ART4: variants seen among roughly 807,000 people sequenced by gnomAD.
ART4 encodes ADP-ribosyltransferase 4 (inactive) (Dombrock blood group).
ART4 carries 14 observed loss-of-function variants against 24.2 expected under a neutral mutation model. The observed-to-expected ratio is 0.58, with a 90% CI of 0.38 to 0.90. The LOEUF (loss-of-function observed/expected upper bound fraction) is 0.90, where lower values mean the gene tolerates loss of function less well. ART4 is among the 40% of genes least tolerant of loss of function. ART4 has a pLI of 0.00. For missense variants in ART4, 356 were observed against 366.6 expected, an observed-to-expected ratio of 0.97 and a Z score of 0.24; for synonymous variants, 145 against 139.9, an observed-to-expected ratio of 1.04 and a Z score of -0.26.
At chr12:14,841,490 G>C (rs1286756452) in intron 1 of ART4, among the ~76,000 whole-genome samples, 1 of 152,144 alleles carries the variant, frequency 6.6e-6, no homozygotes, top group South Asian at 2.1e-4. Flanking sequence ...TACACTTTCT[G>C]TTTCCTCTAC....
chr12:14,842,957 A>G lies in ART4; in HGVS notation c.144+13T>C. 4 of 1,606,902 alleles carry G rather than the reference A, an allele frequency of 2.5e-6. No individual in the cohort carries two copies. Among genetic ancestry groups the G allele is most frequent in the Non-Finnish European group, 3.4e-6 (4 of 1,176,708 alleles). On this transcript the variant is annotated intron_variant, in intron 1 of 2. Transcript: ENST00000228936. ...TGATCATAAAGAGATCACCCCCTCA[A>G]TTGTCCCCCTACCTCAGAACCCTCT...
chr12:14,830,645 G>GTATGTA (rs1298649597), intron 2 of ART4, among the ~76,000 whole-genome samples: 1 of 40,136 alleles, frequency 2.5e-5, no homozygotes, highest in East Asian at 8.2e-4. Flanking sequence ...TGTACTGTAT[G>GTATGTA]TATGTATATA....
chr12:14,837,546 C>T (rs1950438850), intron 2 of ART4, among the ~76,000 whole-genome samples: 1 of 152,098 alleles, frequency 6.6e-6, no homozygotes, highest in Non-Finnish European at 1.5e-5. Flanking sequence ...TGGAGTCTCA[C>T]TCTATCGCCC....
chr12:14,830,669 A>G lies in ART4; in HGVS notation c.854-1207T>C, dbSNP rs1312548080. 2.4e-4 allele frequency among the ~76,000 whole-genome samples: 24 copies of G among 99,960 alleles called. 1 individual carries two copies. Among genetic ancestry groups the G allele is most frequent in the East Asian group, 6.5e-4 (2 of 3,068 alleles). The allele number at this position is 99,960 out of a possible 152,430, so 65.6% of individuals were successfully genotyped here. ...TGTATGTATATATATATATATATAT[A>G]TATATATATATATATATATATATAT... On this transcript the variant is annotated intron_variant, in intron 2 of 2. Transcript: ENST00000228936.
chr12:14,832,197 T>G (rs1393344201), intron 2 of ART4, among the ~76,000 whole-genome samples: 1 of 152,208 alleles, frequency 6.6e-6, no homozygotes, highest in Non-Finnish European at 1.5e-5. Context: ...TCCTTACAAC[T>G]GCCTTCAAGG....
chr12:14,835,951 C>G (rs1375747345), intron 2 of ART4, among the ~76,000 whole-genome samples: 1 of 152,042 alleles, frequency 6.6e-6, no homozygotes. Flanking sequence ...TGTGTCCTGT[C>G]CAAGACTGTA....
chr12:14,840,759 G>A lies in ART4; in HGVS notation c.539C>T (p.Thr180Ile). The A allele has an allele frequency of 6.2e-7, 1 of 1,614,160 alleles. No individual in the cohort carries two copies. The highest frequency in any genetic ancestry group is 1.1e-5 in the South Asian group (1 of 91,080). ...LRKDSIMENGTLCYEVHYRTK... is the reference protein window; with the variant it reads ...LRKDSIMENGILCYEVHYRTK... Reference sequence around the variant, plus strand: ...CCTATAATGCACCTCATAGCACAGAGTGCCATTCTCCATGATGCTGTCTTT... The same window carrying A: ...CCTATAATGCACCTCATAGCACAGAATGCCATTCTCCATGATGCTGTCTTT... Residue 180 changes from threonine to isoleucine, a missense_variant, in exon 2 of 3, where the codon ACT becomes ATT. Physicochemically the swap from Thr to Ile is moderately conservative, Grantham distance 89 (BLOSUM62 -1). Coordinates refer to ENST00000228936, the MANE Select transcript of ART4 (RefSeq NM_021071.4).
intron 2 of ART4, among the ~76,000 whole-genome samples, chr12:14,838,724 G>C (rs1440834131): frequency 6.6e-6 from 1 of 152,148 alleles, no homozygotes; most frequent in African/African-American, 2.4e-5. Flanking sequence ...GTGGATGCCA[G>C]TTTGAACACT....
At chr12:14,838,089 G>A (rs12307494) in intron 2 of ART4, among the ~76,000 whole-genome samples, 45,974 of 152,024 alleles carry the variant, frequency 0.3, 7,649 homozygotes, top group Non-Finnish European at 0.37. Flanking sequence ...AGTGTGATTG[G>A]TGATTCCAAA....
At chr12:14,837,281 G>T (rs1054042011) in intron 2 of ART4, among the ~76,000 whole-genome samples, 2 of 152,138 alleles carry the variant, frequency 1.3e-5, no homozygotes, top group Non-Finnish European at 2.9e-5. Context: ...TTGACTAGGG[G>T]TTGAAGCTTC....
chr12:14,840,029 C>T (rs1950455846), intron 2 of ART4, among the ~76,000 whole-genome samples: 2 of 152,108 alleles, frequency 1.3e-5, no homozygotes, highest in African/African-American at 4.8e-5. Flanking sequence ...TCCAGGGCCC[C>T]CATCACAATA....
At chr12:14,835,572 T>A (rs895087425) in intron 2 of ART4, among the ~76,000 whole-genome samples, 1 of 151,896 alleles carries the variant, frequency 6.6e-6, no homozygotes, top group Non-Finnish European at 1.5e-5. Context: ...CAAACAACAC[T>A]GTAGCGAATA....
rs1330533697 is a variant in ART4 at position 14,828,151 on chromosome 12, TG to T, written c.*1219del. 1.3e-5 allele frequency: 2 copies of T among 152,316 alleles called. No homozygotes were observed. Among genetic ancestry groups the T allele is most frequent in the East Asian group, 3.9e-4 (2 of 5,186 alleles). The allele number at this position is 152,316 out of a possible 1,614,324, so 9.4% of individuals were successfully genotyped here. The stretch of plus-strand genomic sequence containing the variant: ...ATTCAACAATTTATACTTCTTTGCA[TG>T]TACTAGTTTACATGTAATGAGACCT... On this transcript the variant is annotated 3_prime_UTR_variant, in exon 3 of 3. Coordinates refer to ENST00000228936, the MANE Select transcript of ART4 (RefSeq NM_021071.4).
At chr12:14,834,332 G>A (rs1950415173) in intron 2 of ART4, among the ~76,000 whole-genome samples, 1 of 151,986 alleles carries the variant, frequency 6.6e-6, no homozygotes, top group Admixed American at 6.6e-5. Context: ...TTGAAGCCCA[G>A]AGTAAAAGAA....
At chr12:14,831,359 C>A (rs750035924) in intron 2 of ART4, among the ~76,000 whole-genome samples, 3 of 150,834 alleles carry the variant, frequency 2.0e-5, no homozygotes, top group Non-Finnish European at 2.9e-5. Context: ...AACATCAGCT[C>A]AAGTGATTCT....
chr12:14,830,281 G>T (rs1402797120), intron 2 of ART4, among the ~76,000 whole-genome samples: 1 of 151,750 alleles, frequency 6.6e-6, no homozygotes, highest in Non-Finnish European at 1.5e-5. Context: ...GCCATATAAT[G>T]GGGTGGGGAC....
At chr12:14,839,383 G>C (rs1214053913) in intron 2 of ART4, among the ~76,000 whole-genome samples, 1 of 152,122 alleles carries the variant, frequency 6.6e-6, no homozygotes, top group Non-Finnish European at 1.5e-5. Context: ...TCTGTTTTCT[G>C]TTGCAATAAC....
intron 1 of ART4, 123 bp from the exon 2 acceptor site, chr12:14,841,276 A>G (rs959133636): frequency 1.2e-6 from 1 of 831,422 alleles, no homozygotes; most frequent in African/African-American, 1.7e-5. Context: ...GAAGTAAGTT[A>G]CACTGAAAAT....
chr12:14,827,128 A>G lies in ART4; in HGVS notation c.*2243T>C, dbSNP rs937139334. On this transcript the variant is annotated 3_prime_UTR_variant, in exon 3 of 3. Transcript: ENST00000228936. ...ATTTCTCCTAAGAGATTGTAAACTC[A>G]TGAGAGATCTGGCCTAGTGTTCTTA... is the stretch of plus-strand genomic sequence containing the variant. 9.2e-5 allele frequency: 14 copies of G among 151,576 alleles called. No individual in the cohort carries two copies. The highest frequency in any genetic ancestry group is 9.2e-4 in the Admixed American group (14 of 15,184). 9.4% of individuals were successfully genotyped at this position (151,576 alleles called of 1,614,324 possible).
Sources: allele counts gnomAD v4.1 joint callset (sites outside exome capture counted in the v4.1 genomes callset), GRCh38; gene constraint gnomAD v4.1.1; transcripts MANE v1.5; gene names NCBI Gene and HGNC (gene_info 2026-07-23, HGNC 2026-07-21).